DEF8: variants seen among roughly 807,000 people sequenced by gnomAD.
DEF8 encodes differentially expressed in FDCP 8 homolog.
DEF8 carries 38 observed loss-of-function variants against 59.1 expected under a neutral mutation model. The observed-to-expected ratio is 0.64, with a 90% CI of 0.50 to 0.84. The LOEUF (loss-of-function observed/expected upper bound fraction) is 0.84, where lower values mean the gene tolerates loss of function less well. Among genes scored for constraint, DEF8 ranks in the 40% least tolerant of loss-of-function variants. The pLI is 0.00. For missense variants in DEF8, 557 were observed against 615.2 expected, an observed-to-expected ratio of 0.91 and a Z score of 1.00; for synonymous variants, 265 against 250.1, an observed-to-expected ratio of 1.06 and a Z score of -0.56.
At position 89,951,260 on chromosome 16, in the gene DEF8, CT is replaced by C. The variant is rs1050750388; in HGVS notation, c.-11+1759del. 3.4e-3 allele frequency among the ~76,000 whole-genome samples: 503 copies of C among 145,962 alleles called. 1 individual carries two copies. The highest frequency in any genetic ancestry group is 0.011 in the African/African-American group (432 of 40,006). On this transcript the variant is annotated intron_variant, in intron 2 of 12. Coordinates refer to ENST00000563594, the MANE Select transcript of DEF8 (RefSeq NM_001242818.2). ...TTGGGATCATCAGTCAGAATCTTTT[CT>C]TTTTTTTTTTTCTGAGATGGAGTCT...
chr16:89,964,032 T>G (rs1651074205), intron 10 of DEF8, 138 bp from the exon 11 acceptor site: 2 of 1,189,356 alleles, frequency 1.7e-6, no homozygotes, highest in Non-Finnish European at 2.5e-6. Flanking sequence ...GGCTCCTGGA[T>G]TCTACTCCTG....
At chr16:89,949,232 A>C (rs1346654650) in intron 1 of DEF8, among the ~76,000 whole-genome samples, 185 bp from the exon 2 acceptor site, 3 of 151,346 alleles carry the variant, frequency 2.0e-5, no homozygotes, top group Non-Finnish European at 4.4e-5. Flanking sequence ...CGTGCGGAGC[A>C]CCCGGGCGGC....
intron 10 of DEF8, 57 bp downstream of exon 10, chr16:89,963,500 A>G: frequency 6.6e-7 from 1 of 1,507,084 alleles, no homozygotes; most frequent in Non-Finnish European, 9.1e-7. Context: ...GTGGTGAGGC[A>G]CCTCAGGCTC....
intron 9 of DEF8, 60 bp from the exon 10 acceptor site, chr16:89,963,303 A>G (rs1189684951): frequency 4.7e-6 from 7 of 1,499,056 alleles, no homozygotes; most frequent in Non-Finnish European, 6.4e-6. Flanking sequence ...TGTGCGGCCC[A>G]CACAGGGGCC....
At chr16:89,964,132 C>G in intron 10 of DEF8, 38 bp from the exon 11 acceptor site, 1 of 1,613,656 alleles carries the variant, frequency 6.2e-7, no homozygotes, top group African/African-American at 1.3e-5. Flanking sequence ...GAGGGGCCCT[C>G]CCCGGTGCAG....
Position 89,948,865 on chromosome 16 carries a change from G to T in DEF8, c.-108+51G>T, listed in dbSNP as rs1398783128. The T allele has an allele frequency of 6.8e-3, 4,200 of 613,524 alleles. 14 individuals are homozygous for T. Among genetic ancestry groups the T allele is most frequent in the Middle Eastern group, 0.011 (12 of 1,130 alleles). 38.0% of individuals were successfully genotyped at this position (613,524 alleles called of 1,614,324 possible). On this transcript the variant is annotated intron_variant, in intron 1 of 12. Coordinates refer to ENST00000563594, the MANE Select transcript of DEF8 (RefSeq NM_001242818.2). ...CGGGGCCGGCGGGGACGGGGCCGGC[G>T]GGGACGGGGCCGGCGGGGACGGGGT...
At chr16:89,951,588 C>G (rs2032096558) in intron 2 of DEF8, among the ~76,000 whole-genome samples, 1 of 152,120 alleles carries the variant, frequency 6.6e-6, no homozygotes, top group Admixed American at 6.6e-5. Flanking sequence ...AAAAACCTCC[C>G]CTATAACACT....
At chr16:89,951,524 C>T (rs1249190333) in intron 2 of DEF8, among the ~76,000 whole-genome samples, 1 of 152,162 alleles carries the variant, frequency 6.6e-6, no homozygotes, top group Non-Finnish European at 1.5e-5. Context: ...GGATTACAGG[C>T]GTGAGCCACC....
At chr16:89,960,081 C>A (rs1597505589) in intron 6 of DEF8, among the ~76,000 whole-genome samples, 2 of 152,286 alleles carry the variant, frequency 1.3e-5, no homozygotes, top group East Asian at 3.9e-4. Flanking sequence ...TAAGGAGGAG[C>A]AGAGAGCCAG....
intron 6 of DEF8, among the ~76,000 whole-genome samples, chr16:89,959,736 T>A (rs2033772488): frequency 1.3e-5 from 2 of 152,190 alleles, no homozygotes; most frequent in African/African-American, 4.8e-5. Flanking sequence ...TGATCTTGTG[T>A]TCCGTCCACC....
rs201770677 is a variant in DEF8 at position 89,961,070 on chromosome 16, C to G, written c.654C>G (p.Ala218=). 1.2e-6 allele frequency: 2 copies of G among 1,613,108 alleles called. No homozygotes were observed. Among genetic ancestry groups the G allele is most frequent in the East Asian group, 2.2e-5 (1 of 44,834 alleles). ...TGGACAGCCAGGATTACCGCTGTGC[C>G]GAGTGCCGGGCGCCCATCTCTCTGC... ...TGLDSQDYRC[A]ECRAPISLRG... Residue 218 remains alanine (A), a synonymous_variant, in exon 7 of 13, where the codon GCC becomes GCG. Coordinates refer to ENST00000563594, the MANE Select transcript of DEF8 (RefSeq NM_001242818.2).
chr16:89,960,612 G>A (rs956596512), intron 6 of DEF8, among the ~76,000 whole-genome samples: 78 of 149,662 alleles, frequency 5.2e-4, no homozygotes, highest in African/African-American at 1.6e-3. Flanking sequence ...AGATGGGGAA[G>A]CTGAGGGGCT....
At chr16:89,961,931 C>A in intron 8 of DEF8, 67 bp downstream of exon 8, 2 of 1,599,672 alleles carry the variant, frequency 1.3e-6, no homozygotes, top group South Asian at 2.2e-5. Context: ...GGGTGTGGAG[C>A]CGGTGTACCC....
At chr16:89,955,796 G>A (rs935233064) in intron 4 of DEF8, among the ~76,000 whole-genome samples, 4 of 152,228 alleles carry the variant, frequency 2.6e-5, no homozygotes, top group Non-Finnish European at 5.9e-5. Flanking sequence ...TTTGAGGCCG[G>A]GCGCGGTGGC....
chr16:89,962,445 G>A (rs893273214), intron 9 of DEF8, among the ~76,000 whole-genome samples: 2 of 152,166 alleles, frequency 1.3e-5, no homozygotes, highest in African/African-American at 4.8e-5. Flanking sequence ...ATCACTTGAG[G>A]TCGGGAGTTT....
At chr16:89,965,034 T>G (rs183139485) in intron 12 of DEF8, among the ~76,000 whole-genome samples, 33 of 152,356 alleles carry the variant, frequency 2.2e-4, no homozygotes, top group African/African-American at 7.0e-4. Flanking sequence ...ACACTTTGAT[T>G]TATTAAGTAC....
intron 10 of DEF8, 86 bp from the exon 11 acceptor site, chr16:89,964,084 G>C (rs1363582174): frequency 2.6e-6 from 4 of 1,561,042 alleles, no homozygotes; most frequent in Non-Finnish European, 3.5e-6. Context: ...GTGAGCACCT[G>C]GGCCCTGACC....
rs769797755 is a variant in DEF8 at position 89,964,164 on chromosome 16, T to C, written c.1003-6T>C. 6.2e-7 allele frequency: 1 copy of C among 1,613,868 alleles called. No homozygotes were observed. Among genetic ancestry groups the C allele is most frequent in the East Asian group, 2.2e-5 (1 of 44,862 alleles). The stretch of plus-strand genomic sequence containing the variant: ...GCAGGGCGTCACGGCTGCTGGGACT[T>C]GGCAGCTCCAGGATCGGCAGCATTT... On this transcript the variant is annotated splice_region_variant and splice_polypyrimidine_tract_variant and intron_variant, in intron 10 of 12. Transcript: ENST00000563594.
At chr16:89,956,007 A>G (rs1372946901) in intron 4 of DEF8, among the ~76,000 whole-genome samples, 1 of 152,080 alleles carries the variant, frequency 6.6e-6, no homozygotes, top group Non-Finnish European at 1.5e-5. Context: ...TAGGAGGCAG[A>G]GTTTGCAGTG....
Sources: allele counts gnomAD v4.1 joint callset (sites outside exome capture counted in the v4.1 genomes callset), GRCh38; gene constraint gnomAD v4.1.1; transcripts MANE v1.5; gene names NCBI Gene and HGNC (gene_info 2026-07-23, HGNC 2026-07-21).